The following PARD3B variants were observed in gnomAD, a reference collection of about 807,000 sequenced individuals.
PARD3B encodes par-3 family cell polarity regulator beta.
A neutral mutation model predicts 130.2 loss-of-function variants in PARD3B; 103 were observed. The ratio of observed to expected loss-of-function variants is 0.79; its 90% confidence interval spans 0.67 to 0.93. The LOEUF is 0.93. Among genes scored for constraint, PARD3B ranks in the 40% least tolerant of loss-of-function variants. PARD3B has a pLI of 0.00. For synonymous variants in PARD3B, 583 were observed against 553.2 expected (o/e 1.05, Z -0.76); for missense variants, 1,609 against 1,499.2 (o/e 1.07, Z -1.21).
At chr2:204,750,231 AAAGGTGGTACTCC>A (rs1316739889) in intron 2 of PARD3B, among the ~76,000 whole-genome samples, 1 of 152,204 alleles carries the variant, frequency 6.6e-6, no homozygotes, top group African/African-American at 2.4e-5. Context: ...CTTTGAGTTA[AAAGGTGGTACTCC>A]AAGGTCTGCT....
At chr2:205,480,695 T>G (rs6714542) in intron 20 of PARD3B, among the ~76,000 whole-genome samples, 55,215 of 152,110 alleles carry the variant, frequency 0.36, 10,725 homozygotes, top group African/African-American at 0.5. Context: ...TAAAACAGCC[T>G]GAACAGGACC....
intron 2 of PARD3B, among the ~76,000 whole-genome samples, chr2:204,803,644 A>C (rs774706145): frequency 3.5e-4 from 53 of 152,182 alleles, no homozygotes; most frequent in Non-Finnish European, 1.0e-4. Context: ...GTCAGTTTAA[A>C]ATAATGGGCT....
chr2:204,641,239 A>C (rs2035066033), intron 1 of PARD3B, among the ~76,000 whole-genome samples: 1 of 150,074 alleles, frequency 6.7e-6, no homozygotes, highest in African/African-American at 2.4e-5. Context: ...ATAAGTATAT[A>C]TATATTAAAC....
At chr2:204,886,033 C>T (rs12617432) in intron 2 of PARD3B, among the ~76,000 whole-genome samples, 7,086 of 152,272 alleles carry the variant, frequency 0.047, 311 homozygotes, top group African/African-American at 0.11. Flanking sequence ...ATTGCAAACT[C>T]AGTTTCCCAT....
intron 3 of PARD3B, among the ~76,000 whole-genome samples, chr2:205,005,998 A>T (rs1430004342): frequency 6.6e-6 from 1 of 152,128 alleles, no homozygotes; most frequent in East Asian, 1.9e-4. Context: ...GAAGTTCATT[A>T]TATTAGTCTT....
chr2:205,548,914 C>T (rs182992271), intron 21 of PARD3B, among the ~76,000 whole-genome samples: 1 of 152,206 alleles, frequency 6.6e-6, no homozygotes, highest in East Asian at 1.9e-4. Context: ...AATCTTAAAA[C>T]TCAACAAGAA....
At chr2:205,165,975 C>T (rs773181711) in intron 11 of PARD3B, among the ~76,000 whole-genome samples, 1 of 151,652 alleles carries the variant, frequency 6.6e-6, no homozygotes, top group African/African-American at 2.4e-5. Context: ...TCTGAATATG[C>T]CCTGGCATAT....
chr2:205,524,859 A>G (rs913277427), intron 21 of PARD3B, among the ~76,000 whole-genome samples: 6 of 152,178 alleles, frequency 3.9e-5, no homozygotes, highest in Non-Finnish European at 8.8e-5. Context: ...CCATGGCACT[A>G]TTTCCAATAC....
At chr2:205,117,700 A>T (rs190370407) in intron 6 of PARD3B, among the ~76,000 whole-genome samples, 40 of 152,362 alleles carry the variant, frequency 2.6e-4, no homozygotes, top group Admixed American at 1.6e-3. Context: ...AAGAGTATTG[A>T]TAAAGTGCAG....
intron 2 of PARD3B, among the ~76,000 whole-genome samples, chr2:204,877,088 T>A (rs2045875231): frequency 6.6e-6 from 1 of 152,158 alleles, no homozygotes; most frequent in Non-Finnish European, 1.5e-5. Flanking sequence ...TTCATGTCCT[T>A]TGTAGGGACG....
At chr2:204,745,151 A>G (rs1321382928) in intron 2 of PARD3B, among the ~76,000 whole-genome samples, 1 of 152,146 alleles carries the variant, frequency 6.6e-6, no homozygotes, top group Non-Finnish European at 1.5e-5. Context: ...GAATTCCAGA[A>G]TCGATGATGT....
At chr2:204,702,267 G>T (rs753719514) in intron 2 of PARD3B, among the ~76,000 whole-genome samples, 1 of 152,114 alleles carries the variant, frequency 6.6e-6, no homozygotes, top group Non-Finnish European at 1.5e-5. Flanking sequence ...CCCAATAGTG[G>T]GATTGCTGGG....
At chr2:205,540,897 T>C (rs1215194819) in intron 21 of PARD3B, among the ~76,000 whole-genome samples, 2 of 152,182 alleles carry the variant, frequency 1.3e-5, no homozygotes, top group African/African-American at 4.8e-5. Context: ...TTCCAGCTTC[T>C]AGATAAAAGA....
intron 19 of PARD3B, among the ~76,000 whole-genome samples, chr2:205,433,972 C>T (rs959763047): frequency 1.6e-4 from 25 of 152,162 alleles, no homozygotes; most frequent in Non-Finnish European, 2.6e-4. Context: ...GAACACTCTT[C>T]GTGGATTTTT....
intron 2 of PARD3B, among the ~76,000 whole-genome samples, chr2:204,888,089 G>A (rs1397764288): frequency 6.6e-6 from 1 of 152,144 alleles, no homozygotes; most frequent in Non-Finnish European, 1.5e-5. Context: ...AAGAGTGGAA[G>A]TAGAATGGCA....
chr2:205,045,935 A>C (rs1698745625), intron 3 of PARD3B, among the ~76,000 whole-genome samples: 1 of 152,150 alleles, frequency 6.6e-6, no homozygotes, highest in South Asian at 2.1e-4. Flanking sequence ...TTGGTGAACC[A>C]TGTTGGTTTT....
At chr2:205,464,078 T>C (rs925441240) in intron 20 of PARD3B, among the ~76,000 whole-genome samples, 1 of 152,068 alleles carries the variant, frequency 6.6e-6, no homozygotes, top group Non-Finnish European at 1.5e-5. Context: ...TATATTGTTT[T>C]CAACCTGTAG....
chr2:205,294,389 C>A (rs1378839783), intron 16 of PARD3B, among the ~76,000 whole-genome samples: 2 of 152,022 alleles, frequency 1.3e-5, no homozygotes, highest in Non-Finnish European at 2.9e-5. Context: ...AATGAATTCA[C>A]TATTTGTTAC....
chr2:204,887,514 A>G lies in PARD3B; in HGVS notation c.223-77638A>G, dbSNP rs1471735960. Among the ~76,000 whole-genome samples, 1 of 152,110 alleles carries G rather than the reference A, an allele frequency of 6.6e-6. No homozygotes were observed. Among genetic ancestry groups the G allele is most frequent in the Non-Finnish European group, 1.5e-5 (1 of 68,028 alleles). ...TTTAAAAGCAAAACACTCAAATTAT[A>G]CCACGTTGAAAACATGAAGAGGTGT... is the stretch of plus-strand genomic sequence containing the variant. On this transcript the variant is annotated intron_variant, in intron 2 of 22. Coordinates refer to ENST00000406610, the MANE Select transcript of PARD3B (RefSeq NM_001302769.2). This position sits in a 1 kb window ranked among gnomAD's most constrained non-coding sequence, Gnocchi z 4.2.
Sources: gnomAD v4.1 joint callset for allele counts (sites outside exome capture counted in the v4.1 genomes callset) on GRCh38, gnomAD v4.1.1 for gene constraint, Gnocchi (gnomAD v3.1) non-coding constraint, MANE v1.5 for transcripts, NCBI Gene and HGNC (gene_info 2026-07-23, HGNC 2026-07-21) for gene names.